The following PAK5 variants were observed in gnomAD, a reference collection of about 807,000 sequenced individuals.
PAK5 encodes serine/threonine-protein kinase PAK 5.
Under a neutral mutation model 65.9 loss-of-function variants are expected in PAK5, and 16 were observed. The ratio of observed to expected loss-of-function variants is 0.24; its 90% CI spans 0.16 to 0.37. PAK5 has a LOEUF of 0.37. PAK5 is among the 10% of genes least tolerant of loss of function. The pLI, the probability that PAK5 is intolerant of heterozygous loss-of-function variation, is 1.00. For missense variants in PAK5, 785 were observed against 903.9 expected (o/e 0.87, Z 1.69); for synonymous variants, 371 against 354.9 (o/e 1.05, Z -0.51).
chr20:9,764,558 T>C (rs926500), intron 1 of PAK5, among the ~76,000 whole-genome samples: 109,463 of 152,064 alleles, frequency 0.72, 39,766 homozygotes, highest in East Asian at 0.89. Flanking sequence ...CTGTTGATGA[T>C]TCTTACCTAC....
intron 1 of PAK5, among the ~76,000 whole-genome samples, chr20:9,760,500 C>T (rs1485204885): frequency 6.6e-6 from 1 of 151,384 alleles, no homozygotes; most frequent in African/African-American, 2.4e-5. Context: ...TACAAATCTA[C>T]TGGGCTGCTC....
intron 1 of PAK5, among the ~76,000 whole-genome samples, chr20:9,730,931 G>T (rs572438768): frequency 6.6e-6 from 1 of 152,300 alleles, no homozygotes; most frequent in East Asian, 1.9e-4. Flanking sequence ...TTAGATAAGA[G>T]AAAATTCCTG....
chr20:9,788,849 G>A (rs1245750457), intron 1 of PAK5, among the ~76,000 whole-genome samples: 2 of 152,098 alleles, frequency 1.3e-5, no homozygotes, highest in African/African-American at 2.4e-5. Flanking sequence ...ACCCAGGGGG[G>A]TAAAACTTAC....
intron 7 of PAK5, among the ~76,000 whole-genome samples, chr20:9,547,997 A>G (rs929861651): frequency 6.6e-6 from 1 of 152,214 alleles, no homozygotes; most frequent in Non-Finnish European, 1.5e-5. Flanking sequence ...TAGCATACTG[A>G]CAAAAGCCTT....
chr20:9,732,283 A>G (rs754172261), intron 1 of PAK5, among the ~76,000 whole-genome samples: 5 of 152,242 alleles, frequency 3.3e-5, no homozygotes, highest in Non-Finnish European at 7.3e-5. Flanking sequence ...ACTCAGTAAT[A>G]CTTAAAGTGT....
chr20:9,722,633 T>A (rs115395763), intron 1 of PAK5, among the ~76,000 whole-genome samples: 1,766 of 152,014 alleles, frequency 0.012, 26 homozygotes, highest in African/African-American at 0.03. Context: ...ATAAATAAAT[T>A]AATTTTTAAA....
chr20:9,571,037 T>C (rs2045772154), intron 4 of PAK5, among the ~76,000 whole-genome samples: 1 of 152,228 alleles, frequency 6.6e-6, no homozygotes, highest in South Asian at 2.1e-4. Flanking sequence ...GGTGCTGTTG[T>C]CTTTCACGGC....
rs2122991671 is a variant in PAK5 at position 9,565,914 on chromosome 20, T to G, written c.1461A>C (p.Arg487Ser). ...VKKMDLRKQQ[R>S]RELLFNEVVI... Reference sequence around the variant, plus strand: ...TTACCTCATTGAAAAGCAGTTCTCGTCTCTGTTGCTTCCGGAGGTCCATTT... The same window carrying G: ...TTACCTCATTGAAAAGCAGTTCTCGGCTCTGTTGCTTCCGGAGGTCCATTT... The change falls in exon 5 of 10, where the codon AGA (arginine) becomes AGC (serine). Residue 487 changes from arginine to serine, a missense_variant. Physicochemically the swap from Arg to Ser is moderately radical, Grantham distance 110. Transcript: ENST00000353224. 1 of 1,613,390 alleles carries G rather than the reference T, an allele frequency of 6.2e-7. No homozygotes were observed. Among genetic ancestry groups the G allele is most frequent in the Non-Finnish European group, 8.5e-7 (1 of 1,179,562 alleles).
chr20:9,693,503 A>G (rs2047826091), intron 2 of PAK5, among the ~76,000 whole-genome samples: 1 of 151,560 alleles, frequency 6.6e-6, no homozygotes, highest in African/African-American at 2.4e-5. Flanking sequence ...TACACTACAC[A>G]ATTTCCCCAT....
In PAK5 at chr20:9,723,424, A is replaced by T. The variant is rs542712813; in HGVS notation, c.-161-11989T>A. Among the ~76,000 whole-genome samples, 3 of 152,310 alleles carry T rather than the reference A, an allele frequency of 2.0e-5. No individual in the cohort carries two copies. In the East Asian group the frequency reaches 5.8e-4, roughly 29 times the overall value. ...AATCAGATTTAAATGTGTTGGTTAGAAAAACCAAGGGTTCAGTTCCAGATG... is the reference window on the plus strand; with the variant it reads ...AATCAGATTTAAATGTGTTGGTTAGTAAAACCAAGGGTTCAGTTCCAGATG... On this transcript the variant is annotated intron_variant, in intron 1 of 9. Transcript: ENST00000353224.
rs1241306797 is a variant in PAK5, at chr20:9,645,322, CA to C, written c.-11-984del. Among the ~76,000 whole-genome samples, 3 of 152,300 alleles carry C rather than the reference CA, an allele frequency of 2.0e-5. No individual in the cohort carries two copies. In the East Asian group the frequency reaches 5.8e-4, roughly 29 times the overall value. ...ACCTCTAGAAAATATGTAAAATAGG[CA>C]AAGTATGCTTTATGATGTTGAAAAC... On this transcript the variant is annotated intron_variant, in intron 2 of 9. Transcript: ENST00000353224.
intron 1 of PAK5, among the ~76,000 whole-genome samples, chr20:9,727,744 T>A (rs963725091): frequency 3.3e-5 from 5 of 152,198 alleles, no homozygotes; most frequent in Admixed American, 2.6e-4. Context: ...CTCTTGCATA[T>A]AATGCAAAAT....
intron 2 of PAK5, among the ~76,000 whole-genome samples, chr20:9,695,207 G>A (rs1272132092): frequency 1.3e-5 from 2 of 152,076 alleles, no homozygotes. Flanking sequence ...GTCCCTTGCC[G>A]ATTTTCACAT....
chr20:9,558,854 C>A (rs546880486), intron 6 of PAK5, among the ~76,000 whole-genome samples: 1 of 152,318 alleles, frequency 6.6e-6, no homozygotes, highest in East Asian at 1.9e-4. Context: ...CATGACTGCA[C>A]CCCTGTGGAG....
chr20:9,784,820 A>T (rs954232099), intron 1 of PAK5, among the ~76,000 whole-genome samples: 3 of 152,012 alleles, frequency 2.0e-5, no homozygotes, highest in African/African-American at 7.2e-5. Flanking sequence ...AAAAAAAAAC[A>T]ACACATGTAG....
intron 1 of PAK5, among the ~76,000 whole-genome samples, chr20:9,791,797 T>C (rs2049053095): frequency 6.6e-6 from 1 of 152,116 alleles, no homozygotes; most frequent in African/African-American, 2.4e-5. Context: ...ATGAGCCTCA[T>C]AGAGGCAACA....
chr20:9,795,606 T>G (rs1352039879), intron 1 of PAK5, among the ~76,000 whole-genome samples: 1 of 152,148 alleles, frequency 6.6e-6, no homozygotes, highest in Admixed American at 6.6e-5. Flanking sequence ...ATAAAATTTG[T>G]GGAGTGAATG....
intron 2 of PAK5, among the ~76,000 whole-genome samples, chr20:9,661,173 A>G (rs2047340971): frequency 6.6e-6 from 1 of 152,272 alleles, no homozygotes; most frequent in African/African-American, 2.4e-5. Context: ...ACTTAATCTA[A>G]AACAATGATT....
At chr20:9,767,466 A>G (rs1265108134) in intron 1 of PAK5, among the ~76,000 whole-genome samples, 1 of 152,136 alleles carries the variant, frequency 6.6e-6, no homozygotes, top group African/African-American at 2.4e-5. Flanking sequence ...TAGCACATCT[A>G]TGTGTCTGAA....
Sources: allele counts gnomAD v4.1 joint callset (sites outside exome capture counted in the v4.1 genomes callset), GRCh38; gene constraint gnomAD v4.1.1; transcripts MANE v1.5; gene names NCBI Gene and HGNC (gene_info 2026-07-23, HGNC 2026-07-21).